The following NAGPA variants were observed in gnomAD, a reference collection of about 807,000 sequenced individuals.
NAGPA encodes N-acetylglucosamine-1-phosphodiester alpha-N-acetylglucosaminidase.
Under a neutral mutation model 48.5 loss-of-function variants are expected in NAGPA, and 56 were observed. That is an observed-to-expected ratio of 1.15 (90% CI 0.93 to 1.44). NAGPA has a LOEUF of 1.44. Ranked by LOEUF, NAGPA falls within the 40% of genes most tolerant of loss-of-function variation. The pLI is 0.00. For missense variants in NAGPA, 888 were observed against 735.0 expected, an observed-to-expected ratio of 1.21 and a Z score of -2.41; for synonymous variants, 399 against 315.5, an observed-to-expected ratio of 1.26 and a Z score of -2.81.
chr16:5,025,599 G>C lies in NAGPA; in HGVS notation c.1427C>G (p.Ala476Gly). The C allele has an allele frequency of 1.2e-6, 2 of 1,613,962 alleles. No homozygotes were observed. The highest frequency in any genetic ancestry group is 8.5e-7 in the Non-Finnish European group (1 of 1,180,034). The stretch of plus-strand genomic sequence containing the variant: ...CCCATGCAGGCGCCGGTTCCTCTCT[G>C]CTCTGGACAGGAGCAAGGACAGGTT... ...AANLSLLLSR[A>G]ERNRRLHGDY... The change falls in exon 10 of 10, where the codon GCA (alanine) becomes GGA (glycine). Residue 476 changes from alanine to glycine, a missense_variant. By Grantham distance (60) the Ala-to-Gly change is moderately conservative. Coordinates refer to ENST00000312251, the MANE Select transcript of NAGPA (RefSeq NM_016256.4).
chr16:5,030,932 CTT>C (rs111445375), intron 3 of NAGPA: 1,245 of 206,410 alleles, frequency 6.0e-3, no homozygotes, highest in South Asian at 0.012. Context: ...ACCGCCCACT[CTT>C]TTTTTTTTTT....
intron 5 of NAGPA, 99 bp downstream of exon 5, chr16:5,028,781 G>C: frequency 3.2e-6 from 5 of 1,580,430 alleles, no homozygotes; most frequent in Non-Finnish European, 4.3e-6. Flanking sequence ...TTGAACCCCC[G>C]GGGCCTGGCA....
At position 5,031,832 on chromosome 16, in the gene NAGPA, G is replaced by A. The variant is rs376620112; in HGVS notation, c.595C>T (p.Leu199=). 5 of 1,614,150 alleles carry A rather than the reference G, an allele frequency of 3.1e-6. No homozygotes were observed. The highest frequency in any genetic ancestry group is 1.6e-4 in the Middle Eastern group (1 of 6,062). The change falls in exon 3 of 10, where the codon CTG becomes TTG. Residue 199 remains leucine, a synonymous_variant. Transcript: ENST00000312251. ...CGAATCAGCCACACGACCCCACTCAGCAGCTGCACAAATGGGTTCTCAGTG... is the reference window on the plus strand; with the variant it reads ...CGAATCAGCCACACGACCCCACTCAACAGCTGCACAAATGGGTTCTCAGTG... ...LDTENPFVQL[L]SGVVWLIRNG...
chr16:5,025,354 G>T lies in NAGPA; in HGVS notation c.*124C>A. ...AGGCACAAGTGCTATCAGGAACTTG[G>T]CTGCCCCACAGGGGCTGAGGACACC... is the stretch of plus-strand genomic sequence containing the variant. On this transcript the variant is annotated 3_prime_UTR_variant, in exon 10 of 10. Coordinates refer to ENST00000312251, the MANE Select transcript of NAGPA (RefSeq NM_016256.4). 1 of 1,193,532 alleles carries T rather than the reference G, an allele frequency of 8.4e-7. No individual in the cohort carries two copies. The allele number at this position is 1,193,532 out of a possible 1,614,324, so 73.9% of individuals were successfully genotyped here.
intron 2 of NAGPA, chr16:5,032,982 G>C (rs774874117): frequency 1.8e-6 from 1 of 550,162 alleles, no homozygotes; most frequent in Non-Finnish European, 3.3e-6. Flanking sequence ...ATGTATGTTA[G>C]CTATTTACCC....
intron 2 of NAGPA, among the ~76,000 whole-genome samples, chr16:5,032,836 A>C (rs913044240): frequency 1.3e-5 from 2 of 152,076 alleles, no homozygotes; most frequent in African/African-American, 4.8e-5. Context: ...ACCTTGGCTC[A>C]CTTAGTGATT....
rs1236906353 is a variant in NAGPA at position 5,033,361 on chromosome 16, C to T, written c.454G>A (p.Val152Met). 5.0e-6 allele frequency: 8 copies of T among 1,597,944 alleles called. No homozygotes were observed. The highest frequency in any genetic ancestry group is 2.2e-5 in the East Asian group (1 of 44,834). Residue 152 changes from valine to methionine, a missense_variant, in exon 2 of 10, where the codon GTG becomes ATG. Coordinates refer to ENST00000312251, the MANE Select transcript of NAGPA (RefSeq NM_016256.4). This position sits in a 1 kb window ranked among gnomAD's most constrained non-coding sequence, Gnocchi z 4.2. Reference sequence around the variant, plus strand: ...CTCACCCGCCGCTCGTCGCTCACCACGTTCCCCAGGCACTCGCCCGAGTTC... The same window carrying T: ...CTCACCCGCCGCTCGTCGCTCACCATGTTCCCCAGGCACTCGCCCGAGTTC... ...RMNSGECLGN[V>M]VSDERRVSSS...
In NAGPA at chr16:5,033,541, C is replaced by A; in HGVS notation, c.274G>T (p.Gly92Cys). The A allele has an allele frequency of 6.6e-7, 1 of 1,505,894 alleles. No homozygotes were observed. Among genetic ancestry groups the A allele is most frequent in the African/African-American group, 1.4e-5 (1 of 69,860 alleles). 93.3% of individuals were successfully genotyped at this position (1,505,894 alleles called of 1,614,324 possible). Residue 92 changes from glycine to cysteine, a missense_variant, in exon 2 of 10, where the codon GGC becomes TGC. Gly to Cys is a radical substitution (Grantham distance 159, BLOSUM62 -3). Transcript: ENST00000312251. The surrounding 1 kb of genome is among the most constrained non-coding windows in gnomAD (Gnocchi z 4.2). ...GGCTCAACGGCCCGCGTCAGGTGGCCGGCCACCGCGCGGTCCCTGAAGTGC... is the reference window on the plus strand; with the variant it reads ...GGCTCAACGGCCCGCGTCAGGTGGCAGGCCACCGCGCGGTCCCTGAAGTGC... ...VSHFRDRAVA[G>C]HLTRAVEPLR... is the part of the protein sequence containing the mutation.
At position 5,027,165 on chromosome 16, in the gene NAGPA, A is replaced by C. The variant is rs747836077; in HGVS notation, c.1310T>G (p.Leu437Arg). Residue 437 changes from leucine to arginine, a missense_variant, in exon 9 of 10, where the codon CTG becomes CGG. By Grantham distance (102) the Leu-to-Arg change is moderately radical. Coordinates refer to ENST00000312251, the MANE Select transcript of NAGPA (RefSeq NM_016256.4). The part of the protein sequence containing the change: ...KQCLQPPEAT[L>R]RAGELSFFTR... ...GAAAAAGGAGAGTTCTCCCGCCCTC[A>C]GGGTGGCTTCAGGTGGCTGGAGACA... The C allele has an allele frequency of 1.2e-6, 2 of 1,614,150 alleles. No homozygotes were observed. Among genetic ancestry groups the C allele is most frequent in the Non-Finnish European group, 8.5e-7 (1 of 1,180,054 alleles).
intron 3 of NAGPA, 64 bp from the exon 4 acceptor site, chr16:5,030,557 C>G: frequency 7.7e-7 from 1 of 1,304,418 alleles, no homozygotes; most frequent in Non-Finnish European, 1.1e-6. Flanking sequence ...TTGCCTAACT[C>G]CACTTCCCAC....
chr16:5,030,337 C>T (rs368762732), intron 4 of NAGPA, 48 bp downstream of exon 4: 40 of 1,511,344 alleles, frequency 2.6e-5, no homozygotes, highest in Middle Eastern at 4.5e-4. Context: ...AACGTTCCTC[C>T]TAGCAGGACT....
rs1955987898 is a variant in NAGPA at position 5,025,693 on chromosome 16, C to T, written c.1341-8G>A. The T allele has an allele frequency of 1.3e-6, 2 of 1,591,674 alleles. No homozygotes were observed. The highest frequency in any genetic ancestry group is 1.1e-5 in the South Asian group (1 of 89,126). ...AGGGCTAGCCAGGCGGTCCTGCAGA[C>T]AGGAGAGAAGCCCCAAGTGGGGGAC... On this transcript the variant is annotated splice_polypyrimidine_tract_variant and splice_region_variant and intron_variant, in intron 9 of 9. Transcript: ENST00000312251.
Position 5,030,274 on chromosome 16 carries a change from G to T in NAGPA, c.791+111C>A, listed in dbSNP as rs1423662155. 24 of 971,168 alleles carry T rather than the reference G, an allele frequency of 2.5e-5. No homozygotes were observed. In the East Asian group the frequency reaches 6.3e-4, roughly 25 times the overall value. The allele number at this position is 971,168 out of a possible 1,614,324, so 60.2% of individuals were successfully genotyped here. A position where few individuals can be genotyped will look rare whatever the true frequency, so the allele number is the denominator to read the frequency against. Reference sequence around the variant, plus strand: ...GGGGCCCTGGGAGGGGGGACAGATAGGTGTCAACATCCCAGAAAGCAGGTA... The same window carrying T: ...GGGGCCCTGGGAGGGGGGACAGATATGTGTCAACATCCCAGAAAGCAGGTA... On this transcript the variant is annotated intron_variant, in intron 4 of 9. Transcript: ENST00000312251.
intron 9 of NAGPA, 65 bp downstream of exon 9, chr16:5,027,070 G>A (rs1392791932): frequency 6.3e-7 from 1 of 1,584,800 alleles, no homozygotes; most frequent in Non-Finnish European, 8.6e-7. Flanking sequence ...ACCTCACAGG[G>A]GAAGGGTGCG....
intron 9 of NAGPA, among the ~76,000 whole-genome samples, chr16:5,026,700 C>T (rs1055944518): frequency 3.9e-5 from 6 of 152,024 alleles, no homozygotes; most frequent in East Asian, 1.9e-4. Context: ...CTGTGCACCT[C>T]GTCTGTGCAA....
chr16:5,025,038 A>G lies in NAGPA; in HGVS notation c.*440T>C. The G allele has an allele frequency of 4.8e-6, 1 of 207,892 alleles. No homozygotes were observed. The highest frequency in any genetic ancestry group is 9.9e-6 in the Non-Finnish European group (1 of 101,040). 12.9% of individuals were successfully genotyped at this position (207,892 alleles called of 1,614,324 possible). A position where few individuals can be genotyped will look rare whatever the true frequency, so the allele number is the denominator to read the frequency against. ...AAATCCAGTGATGAGGTCTGTAGAA[A>G]AGGGGTCCCGTGTCACAGCCAGGAA... On this transcript the variant is annotated 3_prime_UTR_variant, in exon 10 of 10. Transcript: ENST00000312251.
At position 5,025,560 on chromosome 16, in the gene NAGPA, T is replaced by C. The variant is rs1272203529; in HGVS notation, c.1466A>G (p.His489Arg). The change falls in exon 10 of 10, where the codon CAC (histidine) becomes CGC (arginine). Residue 489 changes from histidine to arginine, a missense_variant. Physicochemically the swap from His to Arg is conservative, Grantham distance 29. Coordinates refer to ENST00000312251, the MANE Select transcript of NAGPA (RefSeq NM_016256.4). ...CTCCCCGTTCATCTCCTGCAGCGGG[T>C]GGTATGCATAGTCCCCATGCAGGCG... ...NRRLHGDYAYHPLQEMNGEPL... is the reference protein window; with the variant it reads ...NRRLHGDYAYRPLQEMNGEPL... 2.5e-6 allele frequency: 4 copies of C among 1,613,442 alleles called. No homozygotes were observed. In the South Asian group the frequency reaches 3.3e-5, roughly 13 times the overall value.
Position 5,033,577 on chromosome 16 carries a change from T to C in NAGPA, c.238A>G (p.Thr80Ala). The change falls in exon 2 of 10, where the codon ACC becomes GCC. Residue 80 changes from threonine to alanine, a missense_variant. Physicochemically the swap from Thr to Ala is moderately conservative, Grantham distance 58 (BLOSUM62 0). Coordinates refer to ENST00000312251, the MANE Select transcript of NAGPA (RefSeq NM_016256.4). This position sits in a 1 kb window ranked among gnomAD's most constrained non-coding sequence, Gnocchi z 4.2. The part of the protein sequence containing the change: ...TPGAGGLAVR[T>A]FVSHFRDRAV... ...CGGTCCCTGAAGTGCGACACGAAGG[T>C]GCGCACGGCCAGACCGCCGGCGCCG... 4.7e-6 allele frequency: 7 copies of C among 1,495,020 alleles called. No individual in the cohort carries two copies. The highest frequency in any genetic ancestry group is 6.2e-6 in the Non-Finnish European group (7 of 1,132,756). 92.6% of individuals were successfully genotyped at this position (1,495,020 alleles called of 1,614,324 possible).
chr16:5,029,234 C>T (rs889805261), intron 4 of NAGPA: 39 of 651,926 alleles, frequency 6.0e-5, no homozygotes, highest in South Asian at 2.0e-4. Context: ...GGAGGGGAAA[C>T]GGCCCGGAGG....
Sources: gnomAD v4.1 joint callset for allele counts (sites outside exome capture counted in the v4.1 genomes callset) on GRCh38, gnomAD v4.1.1 for gene constraint, Gnocchi (gnomAD v3.1) non-coding constraint, MANE v1.5 for transcripts, NCBI Gene and HGNC (gene_info 2026-07-23, HGNC 2026-07-21) for gene names.